Variants in GRIN2B observed in about 807,000 individuals in gnomAD.
The protein encoded by GRIN2B is glutamate ionotropic receptor NMDA type subunit 2B, also known as glutamate receptor ionotropic, NMDA 2B.
A neutral mutation model predicts 114.5 loss-of-function variants in GRIN2B; 5 were observed. That is an observed-to-expected ratio of 0.04 (90% CI 0.02 to 0.09). The LOEUF is 0.09. Ranked by LOEUF, GRIN2B falls within the 10% of genes least tolerant of loss-of-function variation. The probability of loss-of-function intolerance (pLI) is 1.00; values close to 1 mark genes in which losing one functional copy is unlikely to be tolerated. For missense variants in GRIN2B, 1,108 were observed against 1,943.5 expected (o/e 0.57, Z 8.08); for synonymous variants, 787 against 745.1 (o/e 1.06, Z -0.92).
chr12:13,950,679 A>G (rs548485678), intron 2 of GRIN2B, among the ~76,000 whole-genome samples: 1 of 152,304 alleles, frequency 6.6e-6, no homozygotes, highest in Non-Finnish European at 1.5e-5. Context: ...GATGCCTCAG[A>G]TTCCTGCACG....
At chr12:13,935,683 G>C (rs1867114730) in intron 2 of GRIN2B, among the ~76,000 whole-genome samples, 1 of 152,176 alleles carries the variant, frequency 6.6e-6, no homozygotes, top group African/African-American at 2.4e-5. Context: ...TACATATAAA[G>C]TAAATGGAAG....
At chr12:13,848,180 C>T (rs549551227) in intron 3 of GRIN2B, among the ~76,000 whole-genome samples, 2 of 152,322 alleles carry the variant, frequency 1.3e-5, no homozygotes, top group African/African-American at 4.8e-5. Flanking sequence ...GTTTAAAATA[C>T]ATATTTCCCT....
chr12:13,754,876 A>C (rs1470629914), intron 3 of GRIN2B, among the ~76,000 whole-genome samples: 3 of 152,106 alleles, frequency 2.0e-5, no homozygotes, highest in African/African-American at 7.2e-5. Context: ...AAGCCATTTT[A>C]AATGTCTCCC....
At chr12:13,739,039 G>A (rs1367379572) in intron 4 of GRIN2B, among the ~76,000 whole-genome samples, 1 of 152,114 alleles carries the variant, frequency 6.6e-6, no homozygotes, top group Non-Finnish European at 1.5e-5. Flanking sequence ...CCCTGAGGCT[G>A]TTGAGTCAGT....
intron 10 of GRIN2B, among the ~76,000 whole-genome samples, chr12:13,605,254 C>T (rs1475379331): frequency 1.3e-5 from 2 of 152,054 alleles, no homozygotes; most frequent in African/African-American, 4.8e-5. Context: ...CCCAGATGAG[C>T]TAGGGAAATG....
At chr12:13,942,355 C>T (rs1441551647) in intron 2 of GRIN2B, among the ~76,000 whole-genome samples, 1 of 151,374 alleles carries the variant, frequency 6.6e-6, no homozygotes, top group Non-Finnish European at 1.5e-5. Context: ...CAATCTTCAT[C>T]CCACTACATA....
intron 4 of GRIN2B, among the ~76,000 whole-genome samples, chr12:13,680,855 A>G (rs568941864): frequency 3.3e-5 from 5 of 152,104 alleles, no homozygotes; most frequent in Non-Finnish European, 7.4e-5. Flanking sequence ...ACTGCATAAA[A>G]CAAAATCTAT....
intron 3 of GRIN2B, among the ~76,000 whole-genome samples, chr12:13,846,440 T>C (rs900316588): frequency 3.3e-5 from 5 of 152,238 alleles, no homozygotes; most frequent in Admixed American, 2.0e-4. Context: ...AATTGCATAT[T>C]TTTCGCAGTT....
At chr12:13,619,452 C>A (rs944542299) in intron 5 of GRIN2B, among the ~76,000 whole-genome samples, 1 of 152,152 alleles carries the variant, frequency 6.6e-6, no homozygotes, top group African/African-American at 2.4e-5. Flanking sequence ...GGGTTCTGAT[C>A]CTATAATTCT....
intron 5 of GRIN2B, among the ~76,000 whole-genome samples, chr12:13,628,705 C>A (rs1949593234): frequency 6.6e-6 from 1 of 152,152 alleles, no homozygotes; most frequent in Admixed American, 6.5e-5. Context: ...GCAGGGTGCC[C>A]ATACAGAAGT....
At chr12:13,788,738 T>C (rs1284461496) in intron 3 of GRIN2B, among the ~76,000 whole-genome samples, 8 of 49,510 alleles carry the variant, frequency 1.6e-4, no homozygotes, top group Non-Finnish European at 2.9e-4. Context: ...GCCAAAATGA[T>C]TGTTTTGCTG....
chr12:13,771,772 T>C (rs56179489), intron 3 of GRIN2B, among the ~76,000 whole-genome samples: 35,433 of 152,224 alleles, frequency 0.23, 4,444 homozygotes, highest in Non-Finnish European at 0.29. Flanking sequence ...TCATTTCATA[T>C]TGGTTTACAA....
chr12:13,805,877 C>T (rs1218974081), intron 3 of GRIN2B, among the ~76,000 whole-genome samples: 3 of 152,138 alleles, frequency 2.0e-5, no homozygotes, highest in Non-Finnish European at 4.4e-5. Flanking sequence ...CTTTGATCAA[C>T]ATACCCCAAT....
At chr12:13,949,562 G>C (rs943128895) in intron 2 of GRIN2B, among the ~76,000 whole-genome samples, 3 of 152,124 alleles carry the variant, frequency 2.0e-5, no homozygotes, top group African/African-American at 7.2e-5. Context: ...CAACTGTGAG[G>C]GACTCTATGG....
intron 5 of GRIN2B, among the ~76,000 whole-genome samples, chr12:13,633,930 G>A (rs895717794): frequency 5.3e-5 from 8 of 150,232 alleles, no homozygotes; most frequent in African/African-American, 1.2e-4. Context: ...GGAATGTGCC[G>A]GAATGATGGA....
chr12:13,798,797 A>G (rs1419532349), intron 3 of GRIN2B, among the ~76,000 whole-genome samples: 1 of 152,228 alleles, frequency 6.6e-6, no homozygotes, highest in Non-Finnish European at 1.5e-5. Flanking sequence ...GAAAAAAACC[A>G]AACTAGATGG....
chr12:13,903,332 GTCTT>G (rs1565581229), intron 2 of GRIN2B, among the ~76,000 whole-genome samples: 1 of 151,498 alleles, frequency 6.6e-6, no homozygotes, highest in African/African-American at 2.4e-5. Flanking sequence ...TTATTTTTCA[GTCTT>G]TCTTTTTTAA....
chr12:13,702,280 C>T lies in GRIN2B; in HGVS notation c.1011-26421G>A, dbSNP rs541653200. Among the ~76,000 whole-genome samples the T allele has an allele frequency of 2.0e-4, 31 of 152,266 alleles. 1 individual carries two copies. Among genetic ancestry groups the T allele is most frequent in the African/African-American group, 7.5e-4 (31 of 41,550 alleles). On this transcript the variant is annotated intron_variant, in intron 4 of 13. Coordinates refer to ENST00000609686, the MANE Select transcript of GRIN2B (RefSeq NM_000834.5). ...AAAATATGTTCACCAGGATCTTTCC[C>T]TTAAAGAGGGAATCTCAAGGTATTT...
chr12:13,655,675 T>A (rs1368394565), intron 5 of GRIN2B, among the ~76,000 whole-genome samples: 1 of 152,218 alleles, frequency 6.6e-6, no homozygotes, highest in Non-Finnish European at 1.5e-5. Flanking sequence ...GTTGTTGGCC[T>A]ATATTTGTTT....
Sources: allele counts gnomAD v4.1 joint callset (sites outside exome capture counted in the v4.1 genomes callset), GRCh38; gene constraint gnomAD v4.1.1; transcripts MANE v1.5; gene names NCBI Gene and HGNC (gene_info 2026-07-23, HGNC 2026-07-21).